The following ANTXR2 variants were observed in gnomAD, a reference collection of about 807,000 sequenced individuals.
ANTXR2 encodes ANTXR cell adhesion molecule 2.
ANTXR2 carries 44 observed loss-of-function variants against 73.7 expected under a neutral mutation model. That is an observed-to-expected ratio of 0.60 (90% CI 0.47 to 0.77). The LOEUF (loss-of-function observed/expected upper bound fraction) is 0.77, where lower values mean the gene tolerates loss of function less well. ANTXR2 is among the 30% of genes least tolerant of loss of function. ANTXR2 has a pLI of 0.00. For synonymous variants in ANTXR2, 217 were observed against 205.9 expected (o/e 1.05, Z -0.46); for missense variants, 604 against 592.5 (o/e 1.02, Z -0.20).
At chr4:79,987,532 C>A (rs924388204) in intron 12 of ANTXR2, among the ~76,000 whole-genome samples, 1 of 152,092 alleles carries the variant, frequency 6.6e-6, no homozygotes, top group African/African-American at 2.4e-5. Flanking sequence ...AGATAGAGAA[C>A]AAGCAACTTG....
At chr4:80,014,579 T>TATAA (rs1357688193) in intron 11 of ANTXR2, among the ~76,000 whole-genome samples, 1 of 151,610 alleles carries the variant, frequency 6.6e-6, no homozygotes, top group Non-Finnish European at 1.5e-5. Flanking sequence ...AATATATATA[T>TATAA]ATAAATAAAT....
chr4:79,978,583 ATAGT>A (rs1167593131), intron 14 of ANTXR2, among the ~76,000 whole-genome samples: 2 of 152,200 alleles, frequency 1.3e-5, no homozygotes, highest in Non-Finnish European at 2.9e-5. Flanking sequence ...GAAAATGACG[ATAGT>A]TAGCATTTAC....
chr4:80,019,355 C>T (rs945813146), intron 10 of ANTXR2, among the ~76,000 whole-genome samples: 4 of 152,102 alleles, frequency 2.6e-5, no homozygotes, highest in African/African-American at 9.7e-5. Context: ...CCGACAACAG[C>T]GAGACTCAGT....
At chr4:79,965,884 G>C (rs575409797) in intron 16 of ANTXR2, among the ~76,000 whole-genome samples, 49 of 152,036 alleles carry the variant, frequency 3.2e-4, no homozygotes, top group Non-Finnish European at 6.8e-4. Flanking sequence ...TGATATAAAA[G>C]TGATATACAT....
intron 16 of ANTXR2, among the ~76,000 whole-genome samples, chr4:79,953,413 A>T (rs1003961226): frequency 6.6e-6 from 1 of 152,156 alleles, no homozygotes; most frequent in East Asian, 1.9e-4. Context: ...AATTTAACGG[A>T]AGTCTAAAAT....
chr4:79,991,823 G>A (rs1239820318), intron 12 of ANTXR2, among the ~76,000 whole-genome samples: 1 of 152,076 alleles, frequency 6.6e-6, no homozygotes, highest in South Asian at 2.1e-4. Flanking sequence ...GCAGCTGGAG[G>A]CCATTATCCT....
At chr4:79,964,628 A>G (rs1266675963) in intron 16 of ANTXR2, 1 of 152,230 alleles carries the variant, frequency 6.6e-6, no homozygotes, top group Non-Finnish European at 1.5e-5. Context: ...GCCTAAGGCA[A>G]GTTTGGGAGC....
At chr4:79,962,121 G>T (rs1358334635) in intron 16 of ANTXR2, among the ~76,000 whole-genome samples, 1 of 152,110 alleles carries the variant, frequency 6.6e-6, no homozygotes, top group African/African-American at 2.4e-5. Context: ...ACCTAATTAA[G>T]AGATTATTTT....
At chr4:80,027,048 C>T (rs1225086976) in intron 10 of ANTXR2, among the ~76,000 whole-genome samples, 2 of 152,200 alleles carry the variant, frequency 1.3e-5, no homozygotes, top group South Asian at 4.1e-4. Flanking sequence ...AAGCCCTTAG[C>T]TTTAACCCAT....
intron 16 of ANTXR2, among the ~76,000 whole-genome samples, chr4:79,923,909 C>G (rs1727684999): frequency 6.6e-6 from 1 of 152,066 alleles, no homozygotes; most frequent in Non-Finnish European, 1.5e-5. Flanking sequence ...AGGAATCCTT[C>G]TGTATTTATG....
At position 80,020,881 on chromosome 4, in the gene ANTXR2, G is replaced by A. The variant is rs184893376; in HGVS notation, c.867-1905C>T. Among the ~76,000 whole-genome samples, 39 of 152,142 alleles carry A rather than the reference G, an allele frequency of 2.6e-4. No individual in the cohort carries two copies. The East Asian group carries it at 7.2e-3, about 28-fold the overall frequency. ...TTGTTTAAAAAGATGGTTTAGCTAG[G>A]CTGGGCGCAGTGGCTCACGCCTGTA... On this transcript the variant is annotated intron_variant, in intron 10 of 16. Transcript: ENST00000403729.
chr4:80,048,048 TAAAA>T (rs1466413938), intron 7 of ANTXR2, among the ~76,000 whole-genome samples: 1 of 151,622 alleles, frequency 6.6e-6, no homozygotes, highest in Non-Finnish European at 1.5e-5. Flanking sequence ...TAGAAAAATA[TAAAA>T]ACATTTTTAA....
intron 16 of ANTXR2, among the ~76,000 whole-genome samples, chr4:79,951,921 A>T (rs1420083309): frequency 6.6e-6 from 1 of 152,070 alleles, no homozygotes; most frequent in Non-Finnish European, 1.5e-5. Context: ...ATGTTTAAAT[A>T]TTTCATTATT....
chr4:79,953,259 G>A lies in ANTXR2; in HGVS notation c.1428+24362C>T, dbSNP rs534892179. On this transcript the variant is annotated intron_variant, in intron 16 of 16. Transcript: ENST00000403729. ...AGACTTTAAAAACCATTTCAGGATT[G>A]AATTTTTGTAAGATGATTTTGGGCA... Among the ~76,000 whole-genome samples, 278 of 152,050 alleles carry A rather than the reference G, an allele frequency of 1.8e-3. 1 individual carries two copies. Among genetic ancestry groups the A allele is most frequent in the African/African-American group, 6.5e-3 (269 of 41,336 alleles).
At chr4:79,926,395 C>A (rs1210322298) in intron 16 of ANTXR2, among the ~76,000 whole-genome samples, 2 of 152,052 alleles carry the variant, frequency 1.3e-5, no homozygotes, top group African/African-American at 2.4e-5. Flanking sequence ...TCACAAACTA[C>A]AGATCAAAGT....
At chr4:79,977,255 C>T (rs1729675439) in intron 16 of ANTXR2, among the ~76,000 whole-genome samples, 1 of 152,180 alleles carries the variant, frequency 6.6e-6, no homozygotes, top group Non-Finnish European at 1.5e-5. Context: ...TGCCCTAGGC[C>T]TTATTGCTAC....
chr4:79,962,906 A>G (rs1006606302), intron 16 of ANTXR2, among the ~76,000 whole-genome samples: 2 of 152,176 alleles, frequency 1.3e-5, no homozygotes, highest in African/African-American at 4.8e-5. Flanking sequence ...TTTTTTAAGA[A>G]TGCAGTCATT....
intron 16 of ANTXR2, among the ~76,000 whole-genome samples, chr4:79,922,957 T>C (rs1347190901): frequency 1.3e-5 from 2 of 152,064 alleles, no homozygotes; most frequent in Non-Finnish European, 2.9e-5. Flanking sequence ...GTGTTTACAC[T>C]TCTAATATTT....
At chr4:79,908,923 G>A (rs546377096) in intron 16 of ANTXR2, among the ~76,000 whole-genome samples, 12 of 152,220 alleles carry the variant, frequency 7.9e-5, no homozygotes, top group East Asian at 5.8e-4. Context: ...AACAATAAAA[G>A]TGTTATTTTT....
Sources: gnomAD v4.1 joint callset for allele counts (sites outside exome capture counted in the v4.1 genomes callset) on GRCh38, gnomAD v4.1.1 for gene constraint, MANE v1.5 for transcripts, NCBI Gene and HGNC (gene_info 2026-07-23, HGNC 2026-07-21) for gene names.